The following CFAP95 variants were observed in gnomAD, a reference collection of about 807,000 sequenced individuals.
The protein encoded by CFAP95 is cilia and flagella associated protein 95, also known as cilia- and flagella-associated protein 95.
chr9:69,841,192 A>ATATATATATATATATATG, the CFAP95 span, among the ~76,000 whole-genome samples: 21 of 124,426 alleles, frequency 1.7e-4, no homozygotes, highest in African/African-American at 5.4e-4. Context: ...ATATATATAT[A>ATATATATATATATATATG]TATATTTCTG....
the CFAP95 span, among the ~76,000 whole-genome samples, chr9:69,896,056 T>C: frequency 6.6e-6 from 1 of 152,212 alleles, no homozygotes; most frequent in Non-Finnish European, 1.5e-5. Flanking sequence ...TTTTTGATTA[T>C]CTTCAGTTTC....
the CFAP95 span, chr9:69,858,130 T>C: frequency 2.5e-5 from 16 of 628,564 alleles, no homozygotes; most frequent in Non-Finnish European, 4.3e-5. Context: ...TGTTTTCTCC[T>C]TTCACATGCA....
chr9:69,897,675 C>A, the CFAP95 span, among the ~76,000 whole-genome samples: 3 of 151,892 alleles, frequency 2.0e-5, no homozygotes, highest in Non-Finnish European at 2.9e-5. Context: ...ATCATTTTAC[C>A]GAAAAAAGGT....
the CFAP95 span, among the ~76,000 whole-genome samples, chr9:69,894,716 G>T: frequency 6.6e-6 from 1 of 152,112 alleles, no homozygotes; most frequent in African/African-American, 2.4e-5. Flanking sequence ...TGCAAAACAC[G>T]ACTCAAAACT....
At chr9:69,836,667 T>A in the CFAP95 span, among the ~76,000 whole-genome samples, 2 of 150,176 alleles carry the variant, frequency 1.3e-5, no homozygotes, top group Non-Finnish European at 3.0e-5. Context: ...AAGACTGTTT[T>A]GTCACATTTT....
At chr9:69,858,829 T>A in the CFAP95 span, among the ~76,000 whole-genome samples, 1 of 152,212 alleles carries the variant, frequency 6.6e-6, no homozygotes, top group African/African-American at 2.4e-5. Flanking sequence ...TTTACTGATA[T>A]AAGAGATAAG....
At chr9:69,894,260 T>A in the CFAP95 span, among the ~76,000 whole-genome samples, 2 of 152,204 alleles carry the variant, frequency 1.3e-5, no homozygotes, top group African/African-American at 4.8e-5. Flanking sequence ...AAGAACCACA[T>A]TTCCTAGGCC....
At chr9:69,885,968 C>G in the CFAP95 span, among the ~76,000 whole-genome samples, 1 of 152,258 alleles carries the variant, frequency 6.6e-6, no homozygotes, top group Admixed American at 6.5e-5. Flanking sequence ...CAACTGCAGT[C>G]CGAAAATATT....
the CFAP95 span, among the ~76,000 whole-genome samples, chr9:69,895,019 G>C: frequency 6.6e-6 from 1 of 151,838 alleles, no homozygotes; most frequent in Non-Finnish European, 1.5e-5. Flanking sequence ...AAAAAGACTA[G>C]GGTTAGACAG....
chr9:69,903,712 T>C, the CFAP95 span, among the ~76,000 whole-genome samples: 18 of 152,212 alleles, frequency 1.2e-4, no homozygotes. Context: ...GTTTTTCTAA[T>C]GTCAGAATTG....
chr9:69,886,227 G>C, the CFAP95 span, among the ~76,000 whole-genome samples: 1 of 152,086 alleles, frequency 6.6e-6, no homozygotes, highest in Non-Finnish European at 1.5e-5. Flanking sequence ...GATGGCTCTA[G>C]AGTGCAAGAG....
At chr9:69,886,995 G>A in the CFAP95 span, 6 of 830,608 alleles carry the variant, frequency 7.2e-6, no homozygotes, top group Admixed American at 4.7e-5. Flanking sequence ...AATTGCTAAA[G>A]CTTATGATAT....
chr9:69,830,959 C>T, the CFAP95 span, among the ~76,000 whole-genome samples: 1 of 152,156 alleles, frequency 6.6e-6, no homozygotes, highest in Admixed American at 6.5e-5. Context: ...TGCATCCAGA[C>T]TTCTTACTGT....
the CFAP95 span, chr9:69,858,259 G>T: frequency 2.4e-6 from 1 of 423,816 alleles, no homozygotes; most frequent in Non-Finnish European, 4.3e-6. Flanking sequence ...AATACTCGTG[G>T]TTCTGTCATG....
At chr9:69,896,084 A>G in the CFAP95 span, among the ~76,000 whole-genome samples, 15 of 152,300 alleles carry the variant, frequency 9.8e-5, no homozygotes, top group East Asian at 2.5e-3. Context: ...AACATATAAA[A>G]CTTTTGTAAG....
chr9:69,852,948 A>G, the CFAP95 span, among the ~76,000 whole-genome samples: 1 of 152,158 alleles, frequency 6.6e-6, no homozygotes, highest in South Asian at 2.1e-4. Flanking sequence ...TTCTGCCATG[A>G]TTATGAGGCC....
At chr9:69,866,425 G>T in the CFAP95 span, among the ~76,000 whole-genome samples, 1 of 152,134 alleles carries the variant, frequency 6.6e-6, no homozygotes, top group Non-Finnish European at 1.5e-5. Context: ...AGAACTAGTG[G>T]GCCTGCTGGT....
chr9:69,824,439 A>T, the CFAP95 span, among the ~76,000 whole-genome samples: 2 of 152,216 alleles, frequency 1.3e-5, no homozygotes, highest in South Asian at 4.1e-4. Context: ...AAGGCAAAAA[A>T]ATTTGAGTTG....
chr9:69,822,450 CA>C, the CFAP95 span, among the ~76,000 whole-genome samples: 2 of 152,206 alleles, frequency 1.3e-5, no homozygotes. Context: ...AGAAGTTATA[CA>C]GATTTGGAAT....
Sources: gnomAD v4.1 joint callset for allele counts (sites outside exome capture counted in the v4.1 genomes callset) on GRCh38, gnomAD v4.1.1 for gene constraint, MANE v1.5 for transcripts, NCBI Gene and HGNC (gene_info 2026-07-23, HGNC 2026-07-21) for gene names.